USP10: variants seen among roughly 807,000 people sequenced by gnomAD.
USP10 encodes ubiquitin carboxyl-terminal hydrolase 10.
In USP10, 22 loss-of-function variants were observed where a neutral mutation model predicts 84.5. The observed-to-expected ratio is 0.26, with a 90% CI of 0.19 to 0.37. The LOEUF (loss-of-function observed/expected upper bound fraction) is 0.37. Among genes scored for constraint, USP10 ranks in the 10% least tolerant of loss-of-function variants. The probability of loss-of-function intolerance (pLI) is 1.00; values close to 1 mark genes in which losing one functional copy is unlikely to be tolerated. For synonymous variants in USP10, 454 were observed against 387.6 expected (o/e 1.17, Z -2.01); for missense variants, 1,019 against 998.9 (o/e 1.02, Z -0.27).
chr16:84,774,354 G>A (rs1369437818), intron 12 of USP10, among the ~76,000 whole-genome samples: 1 of 152,172 alleles, frequency 6.6e-6, no homozygotes, highest in African/African-American at 2.4e-5. Context: ...CTCTTGTGTC[G>A]GTGTAAGTGG....
intron 1 of USP10, 48 bp downstream of exon 1, chr16:84,700,159 C>A (rs1477483174): frequency 8.2e-7 from 1 of 1,218,430 alleles, no homozygotes; most frequent in South Asian, 2.4e-5. Context: ...GAGCCCCGGG[C>A]GGGCGGACGC....
intron 13 of USP10, among the ~76,000 whole-genome samples, chr16:84,776,865 T>G (rs1046954903): frequency 6.6e-6 from 1 of 152,212 alleles, no homozygotes; most frequent in African/African-American, 2.4e-5. Context: ...CAGGCTGGAG[T>G]GCAGTGGCAC....
rs1400709395 is a variant in USP10 at position 84,775,243 on chromosome 16, A to G, written c.2209+18A>G. 6.2e-7 allele frequency: 1 copy of G among 1,610,932 alleles called. No individual in the cohort carries two copies. The highest frequency in any genetic ancestry group is 1.3e-5 in the African/African-American group (1 of 74,894). On this transcript the variant is annotated intron_variant, in intron 13 of 13. Coordinates refer to ENST00000219473, the MANE Select transcript of USP10 (RefSeq NM_005153.3). ...CTTTGCAGGTGAGTAAATTTGTACG[A>G]CATTACTTCTTCATTAAAACACTGA...
At chr16:84,758,367 G>C (rs906138020) in intron 4 of USP10, among the ~76,000 whole-genome samples, 4 of 152,146 alleles carry the variant, frequency 2.6e-5, no homozygotes, top group African/African-American at 9.7e-5. Context: ...GGCTAATGGT[G>C]TTTAAGGAAG....
chr16:84,750,159 G>C (rs1380795164), intron 4 of USP10, among the ~76,000 whole-genome samples: 1 of 152,152 alleles, frequency 6.6e-6, no homozygotes, highest in Admixed American at 6.5e-5. Flanking sequence ...TGTAATCCCA[G>C]CACTTTCGGA....
rs772658760 is a variant in USP10, at chr16:84,760,261, A to G, written c.1540A>G (p.Ser514Gly). The G allele has an allele frequency of 1.9e-6, 3 of 1,606,194 alleles. No homozygotes were observed. The highest frequency in any genetic ancestry group is 1.7e-5 in the Admixed American group (1 of 58,970). ...CAGACTCCTGACAGTTAACAAGTCA[A>G]GCCTGTCTGAAAAGGTTTGAGACTT... Reference protein sequence around the residue: ...IYRLLTVNKSSLSEKGRQEDA... With the variant: ...IYRLLTVNKSGLSEKGRQEDA... The change falls in exon 8 of 14, where the codon AGC becomes GGC. Residue 514 changes from serine to glycine, a missense_variant. This residue lies in a region of USP10 where 787 missense variants were observed against 708.8 expected (regional missense o/e 1.11). Coordinates refer to ENST00000219473, the MANE Select transcript of USP10 (RefSeq NM_005153.3).
At chr16:84,731,906 A>G (rs1392806649) in intron 1 of USP10, among the ~76,000 whole-genome samples, 3 of 152,140 alleles carry the variant, frequency 2.0e-5, no homozygotes, top group Non-Finnish European at 4.4e-5. Flanking sequence ...TGATGAGAAG[A>G]AGGTGTAACC....
chr16:84,724,011 T>A (rs6564070), intron 1 of USP10, among the ~76,000 whole-genome samples: 106,770 of 152,162 alleles, frequency 0.7, 38,886 homozygotes, highest in East Asian at 0.95. Flanking sequence ...ATATGAAAGT[T>A]GGTGGAATCT....
At chr16:84,703,118 T>C (rs1905102423) in intron 1 of USP10, among the ~76,000 whole-genome samples, 1 of 152,112 alleles carries the variant, frequency 6.6e-6, no homozygotes, top group Admixed American at 6.5e-5. Context: ...TATTGAAGTG[T>C]AATAGTGAAG....
chr16:84,774,785 T>C (rs2150875526), intron 12 of USP10, among the ~76,000 whole-genome samples: 1 of 152,344 alleles, frequency 6.6e-6, no homozygotes. Context: ...TGAAGTTTTA[T>C]GATCTGACGC....
chr16:84,706,779 A>G (rs931470271), intron 1 of USP10, among the ~76,000 whole-genome samples: 1 of 151,712 alleles, frequency 6.6e-6, no homozygotes, highest in Non-Finnish European at 1.5e-5. Context: ...TGACCTCGGG[A>G]TCTGCCCACC....
chr16:84,700,011 T>C lies in USP10; in HGVS notation c.-80T>C. On this transcript the variant is annotated 5_prime_UTR_variant, in exon 1 of 14. Coordinates refer to ENST00000219473, the MANE Select transcript of USP10 (RefSeq NM_005153.3). Reference sequence around the variant, plus strand: ...GCGGCGGCCGATGCGAGTGTGTATGTGCGGGCGAGAAGATGGCGGCGGCGG... The same window carrying C: ...GCGGCGGCCGATGCGAGTGTGTATGCGCGGGCGAGAAGATGGCGGCGGCGG... The C allele has an allele frequency of 2.3e-6, 3 of 1,293,564 alleles. No individual in the cohort carries two copies. The highest frequency in any genetic ancestry group is 3.0e-6 in the Non-Finnish European group (3 of 990,116). The allele number at this position is 1,293,564 out of a possible 1,614,324, so 80.1% of individuals were successfully genotyped here.
chr16:84,718,878 C>T (rs1173572616), intron 1 of USP10, among the ~76,000 whole-genome samples: 1 of 151,888 alleles, frequency 6.6e-6, no homozygotes, highest in African/African-American at 2.4e-5. Flanking sequence ...CTGCAACCTC[C>T]ACCTCCTGGG....
intron 8 of USP10, among the ~76,000 whole-genome samples, 159 bp from the exon 9 acceptor site, chr16:84,762,830 G>T (rs142922340): frequency 6.6e-6 from 1 of 152,114 alleles, no homozygotes; most frequent in South Asian, 2.1e-4. Context: ...TGGGATTTCA[G>T]CTATGCAAGG....
intron 3 of USP10, among the ~76,000 whole-genome samples, chr16:84,742,570 T>G (rs1345582673): frequency 6.6e-6 from 1 of 152,234 alleles, no homozygotes; most frequent in Non-Finnish European, 1.5e-5. Context: ...TTCGTGGTTT[T>G]AAGAGCCTCT....
intron 13 of USP10, among the ~76,000 whole-genome samples, chr16:84,776,272 AGGGCCCAGGGATGG>A (rs1479061641): frequency 3.3e-5 from 5 of 151,860 alleles, no homozygotes; most frequent in African/African-American, 7.3e-5. Context: ...CGAGTGGGTG[AGGGCCCAGGGATGG>A]GGGCCCAGGG....
At chr16:84,714,932 A>T (rs56218594) in intron 1 of USP10, among the ~76,000 whole-genome samples, 9,511 of 140,274 alleles carry the variant, frequency 0.068, 395 homozygotes, top group Non-Finnish European at 0.095. Context: ...TATTATTATT[A>T]TTATTTTTTT....
chr16:84,731,341 A>G (rs1394593458), intron 1 of USP10, among the ~76,000 whole-genome samples: 1 of 151,728 alleles, frequency 6.6e-6, no homozygotes, highest in East Asian at 1.9e-4. Context: ...GGCAATGTGC[A>G]CAGAGTAGCC....
At chr16:84,744,522 T>C in intron 3 of USP10, 111 bp from the exon 4 acceptor site, 1 of 981,862 alleles carries the variant, frequency 1.0e-6, no homozygotes, top group South Asian at 1.9e-5. Flanking sequence ...AATAGATTTG[T>C]TGATTAGGAA....
Sources: allele counts gnomAD v4.1 joint callset (sites outside exome capture counted in the v4.1 genomes callset), GRCh38; gene constraint gnomAD v4.1.1; regional missense constraint gnomAD v4.1.1; transcripts MANE v1.5; gene names NCBI Gene and HGNC (gene_info 2026-07-23, HGNC 2026-07-21).